The following MROH1 variants were observed in gnomAD, a reference collection of about 807,000 sequenced individuals.
MROH1 encodes maestro heat like repeat family member 1, also known as maestro heat-like repeat-containing protein family member 1.
In MROH1, 117 loss-of-function variants were observed where a neutral mutation model predicts 116.5. The observed-to-expected ratio is 1.00, with a 90% CI of 0.86 to 1.17. MROH1 has a LOEUF of 1.17. Among genes scored for constraint, MROH1 ranks in the 50% most tolerant of loss-of-function variants. MROH1 has a pLI of 0.00. For missense variants in MROH1, 1,873 were observed against 1,338.5 expected (o/e 1.40, Z -6.23); for synonymous variants, 921 against 583.9 (o/e 1.58, Z -8.32).
intron 35 of MROH1, among the ~76,000 whole-genome samples, chr8:144,256,194 T>C (rs1843731962): frequency 1.3e-5 from 2 of 152,084 alleles, no homozygotes; most frequent in Admixed American, 1.3e-4. Context: ...CACACCTGCC[T>C]GGGGCCATAG....
At chr8:144,213,883 T>G (rs143233842) in intron 12 of MROH1, 1 of 152,258 alleles carries the variant, frequency 6.6e-6, no homozygotes, top group Non-Finnish European at 1.5e-5. Context: ...AGCATTGTTA[T>G]CGAAGTCTGA....
At chr8:144,201,066 T>G (rs1831012054) in intron 12 of MROH1, 1 of 141,984 alleles carries the variant, frequency 7.0e-6, no homozygotes, top group African/African-American at 2.6e-5. Flanking sequence ...TTAAGGCTAA[T>G]TTTTTTTTTT....
intron 1 of MROH1, among the ~76,000 whole-genome samples, chr8:144,159,336 C>T (rs748997367): frequency 1.3e-5 from 2 of 152,004 alleles, no homozygotes; most frequent in African/African-American, 2.4e-5. Context: ...CCAGCCTGGG[C>T]GACAAAAGCG....
intron 12 of MROH1, among the ~76,000 whole-genome samples, chr8:144,215,725 T>C (rs1188591801): frequency 1.3e-5 from 2 of 149,750 alleles, no homozygotes; most frequent in Non-Finnish European, 1.5e-5. Context: ...CAATGAAAAT[T>C]AGCCGGGCGT....
chr8:144,241,304 G>A, intron 21 of MROH1, 91 bp from the exon 22 acceptor site: 1 of 708,380 alleles, frequency 1.4e-6, no homozygotes, highest in Non-Finnish European at 2.6e-6. Context: ...GTGTGTACAT[G>A]TGGGTGTGCC....
intron 4 of MROH1, among the ~76,000 whole-genome samples, chr8:144,175,773 G>A (rs1564397585): frequency 6.6e-6 from 1 of 152,182 alleles, no homozygotes; most frequent in Non-Finnish European, 1.5e-5. Flanking sequence ...AAAATATGCC[G>A]GGCTCGGTGG....
intron 40 of MROH1, 24 bp downstream of exon 40, chr8:144,260,856 G>A: frequency 3.9e-6 from 3 of 777,704 alleles, no homozygotes; most frequent in Non-Finnish European, 4.8e-6. Flanking sequence ...GGGTGAGTGG[G>A]ATGGGGTGGG....
chr8:144,154,266 C>G (rs1468115343), intron 1 of MROH1, among the ~76,000 whole-genome samples: 6 of 152,052 alleles, frequency 3.9e-5, no homozygotes, highest in Admixed American at 3.9e-4. Context: ...CAAGGTTTTA[C>G]CATGTTGGTC....
At chr8:144,204,950 A>C (rs1832498449) in intron 12 of MROH1, among the ~76,000 whole-genome samples, 1 of 152,200 alleles carries the variant, frequency 6.6e-6, no homozygotes, top group Admixed American at 6.5e-5. Flanking sequence ...GTTTTTCCAA[A>C]GTAGCTGTTT....
At chr8:144,258,943 A>G (rs1441530018) in intron 36 of MROH1, 29 bp downstream of exon 36, 21 of 713,416 alleles carry the variant, frequency 2.9e-5, no homozygotes, top group Admixed American at 7.8e-5. Flanking sequence ...CTGCAGCTCC[A>G]GCACTGGCTG....
At chr8:144,218,708 TC>T (rs1564502551) in intron 12 of MROH1, among the ~76,000 whole-genome samples, 3 of 53,744 alleles carry the variant, frequency 5.6e-5, no homozygotes, top group Admixed American at 4.0e-4. Context: ...CCCTCTCCCC[TC>T]CTGTCCCCCC....
rs1427823657 is a variant in MROH1 at position 144,160,061 on chromosome 8, G to A, written c.-176-909G>A. Among the ~76,000 whole-genome samples, 5 of 152,222 alleles carry A rather than the reference G, an allele frequency of 3.3e-5. No individual in the cohort carries two copies. In the South Asian group the frequency reaches 6.2e-4, roughly 19 times the overall value. ...TGGGATTACAGGCGTGAGCCACCGC[G>A]CCCGGCCCACGCCTGGTAATTTTTG... On this transcript the variant is annotated intron_variant, in intron 1 of 43. Coordinates refer to ENST00000326134, the MANE Select transcript of MROH1 (RefSeq NM_032450.3).
At position 144,254,101 on chromosome 8, in the gene MROH1, C is replaced by T. The variant is rs928089058; in HGVS notation, c.3429-712C>T. ...ACGTTAGCCCTCATTCCATCTTCCG[C>T]GTCCCTTATTCTGTCCTCTGCCTTC... On this transcript the variant is annotated intron_variant, in intron 33 of 43. Transcript: ENST00000326134. Among the ~76,000 whole-genome samples the T allele has an allele frequency of 1.3e-4, 20 of 152,270 alleles. No individual in the cohort carries two copies. In the South Asian group the frequency reaches 2.7e-3, roughly 21 times the overall value.
intron 15 of MROH1, 85 bp from the exon 16 acceptor site, chr8:144,238,950 G>C (rs919511212): frequency 2.6e-5 from 20 of 769,460 alleles, no homozygotes; most frequent in Non-Finnish European, 4.6e-5. Flanking sequence ...CAAAGGGTCT[G>C]TCTCCACCTT....
intron 22 of MROH1, among the ~76,000 whole-genome samples, chr8:144,241,929 C>G (rs1841064806): frequency 6.6e-6 from 1 of 152,222 alleles, no homozygotes; most frequent in Admixed American, 6.5e-5. Flanking sequence ...TTTCCTGTCT[C>G]CCGTAACTGT....
Position 144,238,819 on chromosome 8 carries a change from C to T in MROH1, c.1402C>T (p.Arg468Cys). The T allele has an allele frequency of 1.0e-5, 8 of 775,094 alleles. No individual in the cohort carries two copies. The highest frequency in any genetic ancestry group is 7.3e-5 in the East Asian group (3 of 41,244). 48.0% of individuals were successfully genotyped at this position (775,094 alleles called of 1,614,324 possible). ...KADSVRAISV[R>C]TLYLVSTTVD... ...CGACAGCGTGCGGGCCATCAGCGTG[C>T]GCACCCTCTACCTGGTCAGCACCAC... The change falls in exon 15 of 44, where the codon CGC becomes TGC. Residue 468 changes from arginine (R) to cysteine (C), a missense_variant. By Grantham distance (180) the Arg-to-Cys change is radical (BLOSUM62 -3). Transcript: ENST00000326134.
At position 144,212,852 on chromosome 8, in the gene MROH1, A is replaced by G; in HGVS notation, c.1142-7748A>G. 2 of 565,610 alleles carry G rather than the reference A, an allele frequency of 3.5e-6. No homozygotes were observed. The highest frequency in any genetic ancestry group is 6.4e-6 in the Non-Finnish European group (2 of 312,004). 35.0% of individuals were successfully genotyped at this position (565,610 alleles called of 1,614,324 possible). ...GTGATCCACCTGCCCCGGCCTCCCA[A>G]AGTGTTGGGATTACAGGCATGAGCC... On this transcript the variant is annotated intron_variant, in intron 12 of 43. Transcript: ENST00000326134.
intron 4 of MROH1, among the ~76,000 whole-genome samples, chr8:144,169,818 TTTTATTTTTATTA>T (rs1370454781): frequency 1.3e-5 from 2 of 149,298 alleles, no homozygotes; most frequent in Non-Finnish European, 3.0e-5. Context: ...AATTTTGTAT[TTTTATTTTTATTA>T]TTTATTTATA....
Position 144,247,585 on chromosome 8 carries a change from G to A in MROH1, c.3026G>A (p.Arg1009His). 2.6e-6 allele frequency: 2 copies of A among 774,222 alleles called. No homozygotes were observed. Among genetic ancestry groups the A allele is most frequent in the South Asian group, 2.7e-5 (2 of 73,972 alleles). The allele number at this position is 774,222 out of a possible 1,614,324, so 48.0% of individuals were successfully genotyped here. ...CTCTCAGGCTTCTCCCGGGACTACC[G>A]CGATGACGTGGCGGAGCGGCTCCTC... ...LGYEGFSRDY[R>H]DDVAERLLSL... Residue 1009 changes from arginine (R) to histidine (H), a missense_variant, in exon 31 of 44, where the codon CGC becomes CAC. Physicochemically the swap from Arg to His is conservative, Grantham distance 29 (BLOSUM62 0). Coordinates refer to ENST00000326134, the MANE Select transcript of MROH1 (RefSeq NM_032450.3).
Sources: gnomAD v4.1 joint callset for allele counts (sites outside exome capture counted in the v4.1 genomes callset) on GRCh38, gnomAD v4.1.1 for gene constraint, MANE v1.5 for transcripts, NCBI Gene and HGNC (gene_info 2026-07-23, HGNC 2026-07-21) for gene names.